The following RAP1GAP2 variants were observed in gnomAD, a reference collection of about 807,000 sequenced individuals.
The protein encoded by RAP1GAP2 is rap1 GTPase-activating protein 2.
In RAP1GAP2, 27 loss-of-function variants were observed where a neutral mutation model predicts 95.0. That is an observed-to-expected ratio of 0.28 (90% CI 0.21 to 0.39). RAP1GAP2 has a LOEUF of 0.39. Ranked by LOEUF, RAP1GAP2 falls within the 10% of genes least tolerant of loss-of-function variation. RAP1GAP2 has a pLI of 1.00. For missense variants in RAP1GAP2, 771 were observed against 970.0 expected, an observed-to-expected ratio of 0.79 and a Z score of 2.72; for synonymous variants, 373 against 380.9, an observed-to-expected ratio of 0.98 and a Z score of 0.24.
chr17:2,799,937 C>A (rs1386850789), intron 1 of RAP1GAP2, among the ~76,000 whole-genome samples: 2 of 152,158 alleles, frequency 1.3e-5, no homozygotes, highest in Non-Finnish European at 2.9e-5. Context: ...GTGATCTTCC[C>A]CGCTCTGAAC....
chr17:2,933,031 G>A (rs1041720466), intron 3 of RAP1GAP2, among the ~76,000 whole-genome samples: 1 of 152,162 alleles, frequency 6.6e-6, no homozygotes, highest in Admixed American at 6.5e-5. Flanking sequence ...CTTGGCAGAG[G>A]GGAGGAGGCC....
Position 2,965,551 on chromosome 17 carries a change from C to G in RAP1GAP2, c.504C>G (p.Asn168Lys). 6.2e-7 allele frequency: 1 copy of G among 1,611,546 alleles called. No individual in the cohort carries two copies. Among genetic ancestry groups the G allele is most frequent in the Non-Finnish European group, 8.5e-7 (1 of 1,178,938 alleles). Residue 168 changes from asparagine (N) to lysine (K), a missense_variant, in exon 8 of 25, where the codon AAC (asparagine) becomes AAG (lysine). Transcript: ENST00000254695. The surrounding 1 kb of genome is among the most constrained non-coding windows in gnomAD (Gnocchi z 4.7). ...GTTTCTTTTTTTAGGATCATCTAAA[C>G]TTTTACTGTACCGGCAGCAGCCTGG... is the stretch of plus-strand genomic sequence containing the variant. ...RRHFLGKDHLNFYCTGSSLGN... is the reference protein window; with the variant it reads ...RRHFLGKDHLKFYCTGSSLGN...
chr17:2,958,900 C>T (rs950367311), intron 4 of RAP1GAP2, among the ~76,000 whole-genome samples: 7 of 152,006 alleles, frequency 4.6e-5, no homozygotes, highest in African/African-American at 9.7e-5. Flanking sequence ...GCCGTGTCAC[C>T]GAGAGCCAGT....
chr17:2,956,004 TCAGA>T (rs113846807), intron 3 of RAP1GAP2, among the ~76,000 whole-genome samples: 43 of 152,316 alleles, frequency 2.8e-4, no homozygotes, highest in African/African-American at 8.7e-4. Flanking sequence ...GAATCGCGTG[TCAGA>T]GGTCCGTGTA....
At chr17:2,933,051 C>T (rs1054645894) in intron 3 of RAP1GAP2, among the ~76,000 whole-genome samples, 2 of 152,172 alleles carry the variant, frequency 1.3e-5, no homozygotes, top group Admixed American at 6.5e-5. Context: ...CCAGTGTCCC[C>T]GCGTACAGGG....
chr17:3,031,987 T>A (rs570401776), intron 23 of RAP1GAP2, among the ~76,000 whole-genome samples: 1 of 151,628 alleles, frequency 6.6e-6, no homozygotes, highest in Admixed American at 6.6e-5. Context: ...CCCCAGTCCC[T>A]TCCTGAGCTC....
Position 2,963,342 on chromosome 17 carries a change from A to C in RAP1GAP2, c.247-88A>C. 1.7e-6 allele frequency: 2 copies of C among 1,180,610 alleles called. No homozygotes were observed. Among genetic ancestry groups the C allele is most frequent in the Non-Finnish European group, 1.2e-6 (1 of 806,082 alleles). 73.1% of individuals were successfully genotyped at this position (1,180,610 alleles called of 1,614,324 possible). A position where few individuals can be genotyped will look rare whatever the true frequency, so the allele number is the denominator to read the frequency against. On this transcript the variant is annotated intron_variant, in intron 5 of 24. Coordinates refer to ENST00000254695, the MANE Select transcript of RAP1GAP2 (RefSeq NM_015085.5). This position sits in a 1 kb window ranked among gnomAD's most constrained non-coding sequence, Gnocchi z 4.8. The stretch of plus-strand genomic sequence containing the variant: ...TCCTCCCTCAAAGCCCCCCCACAAC[A>C]TATCCCCCTTGCAAGACCTGGAAAC...
At chr17:2,869,617 T>C (rs2072760812) in intron 2 of RAP1GAP2, among the ~76,000 whole-genome samples, 1 of 152,140 alleles carries the variant, frequency 6.6e-6, no homozygotes, top group Non-Finnish European at 1.5e-5. Context: ...CAGCCCTCCC[T>C]TCCCCAACAG....
intron 2 of RAP1GAP2, among the ~76,000 whole-genome samples, chr17:2,841,609 T>A (rs9906411): frequency 0.79 from 120,187 of 152,070 alleles, 48,199 homozygotes; most frequent in African/African-American, 0.94. Context: ...CCCGGCCGAT[T>A]TGGGGACATT....
chr17:2,879,619 A>G (rs2073216615), intron 2 of RAP1GAP2, among the ~76,000 whole-genome samples: 1 of 151,526 alleles, frequency 6.6e-6, no homozygotes, highest in African/African-American at 2.4e-5. Context: ...CCAGCTACTC[A>G]GGAGGCTGAG....
intron 12 of RAP1GAP2, among the ~76,000 whole-genome samples, chr17:2,992,003 C>T (rs1008764420): frequency 9.2e-5 from 14 of 151,740 alleles, no homozygotes; most frequent in Admixed American, 5.9e-4. Context: ...TGAGCTCAGG[C>T]AATCCACCCA....
intron 8 of RAP1GAP2, among the ~76,000 whole-genome samples, chr17:2,968,251 A>C (rs4790396): frequency 0.76 from 115,330 of 151,958 alleles, 44,211 homozygotes; most frequent in African/African-American, 0.87. Context: ...ATAAAAATGG[A>C]CAAAAAGAAT....
At chr17:3,014,322 A>G (rs1450524361) in intron 17 of RAP1GAP2, among the ~76,000 whole-genome samples, 1 of 152,244 alleles carries the variant, frequency 6.6e-6, no homozygotes, top group Admixed American at 6.5e-5. Flanking sequence ...TTGTAACACA[A>G]AGACAGGCAT....
intron 2 of RAP1GAP2, among the ~76,000 whole-genome samples, chr17:2,771,490 TTTTTTTTTG>T (rs1567636262): frequency 2.0e-5 from 3 of 146,904 alleles, no homozygotes; most frequent in African/African-American, 5.3e-5. Flanking sequence ...TTTTTTGTTT[TTTTTTTTTG>T]TTTTTTTTTT....
chr17:2,969,060 C>T (rs887537841), intron 8 of RAP1GAP2, among the ~76,000 whole-genome samples: 1 of 151,832 alleles, frequency 6.6e-6, no homozygotes, highest in East Asian at 1.9e-4. Context: ...TCACAGAATA[C>T]AATTGTAATG....
At chr17:2,892,201 G>C (rs1489789910) in intron 2 of RAP1GAP2, among the ~76,000 whole-genome samples, 2 of 152,090 alleles carry the variant, frequency 1.3e-5, no homozygotes, top group Non-Finnish European at 1.5e-5. Flanking sequence ...ATTTGCCCAG[G>C]TGTTCTGAAA....
intron 1 of RAP1GAP2, among the ~76,000 whole-genome samples, chr17:2,798,073 G>A (rs1366357998): frequency 2.0e-5 from 3 of 152,250 alleles, no homozygotes; most frequent in Non-Finnish European, 4.4e-5. Flanking sequence ...CTGGGCAGGT[G>A]AGGGGGAAGA....
chr17:2,920,805 C>T (rs1350144425), intron 3 of RAP1GAP2, among the ~76,000 whole-genome samples: 1 of 152,240 alleles, frequency 6.6e-6, no homozygotes, highest in Non-Finnish European at 1.5e-5. Context: ...TGCCAACTGC[C>T]ATAGACTCTA....
intron 3 of RAP1GAP2, among the ~76,000 whole-genome samples, chr17:2,941,110 A>G (rs111231416): frequency 0.015 from 2,239 of 152,314 alleles, 47 homozygotes; most frequent in African/African-American, 0.051. Flanking sequence ...ATGTTTCAAA[A>G]GACCGCGTGG....
Sources: allele counts gnomAD v4.1 joint callset (sites outside exome capture counted in the v4.1 genomes callset), GRCh38; gene constraint gnomAD v4.1.1; non-coding constraint Gnocchi (gnomAD v3.1); transcripts MANE v1.5; gene names NCBI Gene and HGNC (gene_info 2026-07-23, HGNC 2026-07-21).